MAMDC2: variants seen among roughly 807,000 people sequenced by gnomAD.
MAMDC2 encodes MAM domain containing 2.
A neutral mutation model predicts 89.8 loss-of-function variants in MAMDC2; 57 were observed. The observed-to-expected ratio is 0.63, with a 90% CI of 0.51 to 0.79. The LOEUF is 0.79. Among genes scored for constraint, MAMDC2 ranks in the 30% least tolerant of loss-of-function variants. The probability of loss-of-function intolerance (pLI) is 0.00; values close to 1 mark genes in which losing one functional copy is unlikely to be tolerated. For missense variants in MAMDC2, 800 were observed against 820.6 expected (o/e 0.97, Z 0.31); for synonymous variants, 313 against 293.4 (o/e 1.07, Z -0.68).
chr9:70,153,538 G>C (rs919207721), intron 9 of MAMDC2: 9 of 152,204 alleles, frequency 5.9e-5, no homozygotes, highest in South Asian at 2.1e-4. Flanking sequence ...TTAATTAGAA[G>C]CACTGGGAGG....
chr9:70,118,548 A>C (rs991308399), intron 5 of MAMDC2, among the ~76,000 whole-genome samples: 1 of 152,218 alleles, frequency 6.6e-6, no homozygotes, highest in East Asian at 1.9e-4. Flanking sequence ...CTCTCTTATC[A>C]TATTTGCTTT....
chr9:70,131,615 G>A lies in MAMDC2; in HGVS notation c.994+3G>A, dbSNP rs2030807559. The A allele has an allele frequency of 3.1e-6, 5 of 1,598,806 alleles. No homozygotes were observed. Among genetic ancestry groups the A allele is most frequent in the South Asian group, 1.1e-5 (1 of 88,906 alleles). On this transcript the variant is annotated splice_donor_region_variant and intron_variant, in intron 7 of 13. Transcript: ENST00000377182. ...TGTTCACTGCCAGAATCAGACAGGT[G>A]AGCATTCTCTATTTGTCATTGCATT...
intron 9 of MAMDC2, among the ~76,000 whole-genome samples, chr9:70,165,988 C>T (rs1277503696): frequency 6.6e-6 from 1 of 151,994 alleles, no homozygotes; most frequent in Non-Finnish European, 1.5e-5. Context: ...GCCTGTAATC[C>T]TAACACTTTG....
chr9:70,213,982 G>C (rs1480689812), intron 11 of MAMDC2, among the ~76,000 whole-genome samples: 1 of 152,132 alleles, frequency 6.6e-6, no homozygotes, highest in East Asian at 1.9e-4. Flanking sequence ...GCTTAGAGCT[G>C]TGGGAAAAAA....
intron 2 of MAMDC2, among the ~76,000 whole-genome samples, chr9:70,078,785 C>A (rs777234561): frequency 2.0e-5 from 3 of 152,098 alleles, no homozygotes; most frequent in Non-Finnish European, 2.9e-5. Context: ...AATGAAAATT[C>A]TTTTCTTTTC....
At chr9:70,098,288 T>C (rs1828078332) in intron 2 of MAMDC2, among the ~76,000 whole-genome samples, 1 of 152,202 alleles carries the variant, frequency 6.6e-6, no homozygotes, top group South Asian at 2.1e-4. Context: ...TTTGGCAGGA[T>C]TTACCAGTAA....
chr9:70,192,707 A>C (rs938937551), intron 11 of MAMDC2, among the ~76,000 whole-genome samples: 1 of 152,082 alleles, frequency 6.6e-6, no homozygotes, highest in Non-Finnish European at 1.5e-5. Context: ...ATACTTGTTA[A>C]AGCACAGTAA....
At position 70,102,189 on chromosome 9, in the gene MAMDC2, T is replaced by C. The variant is rs1828214972; in HGVS notation, c.149-6022T>C. Among the ~76,000 whole-genome samples the C allele has an allele frequency of 3.3e-5, 5 of 152,250 alleles. No individual in the cohort carries two copies. In the South Asian group the frequency reaches 1.0e-3, roughly 32 times the overall value. On this transcript the variant is annotated intron_variant, in intron 2 of 13. Transcript: ENST00000377182. ...ATTGAATGTATATGTAAAGTGGCTC[T>C]CTTCTTTTATTAGTCTCATTTTGAA...
chr9:70,078,462 C>G (rs1482122375), intron 2 of MAMDC2, among the ~76,000 whole-genome samples: 1 of 152,118 alleles, frequency 6.6e-6, no homozygotes, highest in African/African-American at 2.4e-5. Flanking sequence ...GGTATGAGCT[C>G]CATTGACCTT....
chr9:70,172,738 T>C (rs1229663936), intron 11 of MAMDC2: 1 of 152,964 alleles, frequency 6.5e-6, no homozygotes, highest in Non-Finnish European at 1.5e-5. Flanking sequence ...TTCAGCAGAT[T>C]CTGGGACAAT....
Position 70,226,050 on chromosome 9 carries a change from A to G in MAMDC2, c.*18A>G, listed in dbSNP as rs1174324795. ...AGTATTAAGAAATGATCTGCATTGGATTTACTAGACGAAAACCATACCTCT... is the reference window on the plus strand; with the variant it reads ...AGTATTAAGAAATGATCTGCATTGGGTTTACTAGACGAAAACCATACCTCT... On this transcript the variant is annotated 3_prime_UTR_variant, in exon 14 of 14. Coordinates refer to ENST00000377182, the MANE Select transcript of MAMDC2 (RefSeq NM_153267.5). 9.7e-6 allele frequency: 14 copies of G among 1,446,384 alleles called. No individual in the cohort carries two copies. The highest frequency in any genetic ancestry group is 1.3e-5 in the Non-Finnish European group (14 of 1,052,370). 89.6% of individuals were successfully genotyped at this position (1,446,384 alleles called of 1,614,324 possible). A position where few individuals can be genotyped will look rare whatever the true frequency, so the allele number is the denominator to read the frequency against.
intron 12 of MAMDC2, among the ~76,000 whole-genome samples, chr9:70,220,351 C>T (rs2033533230): frequency 6.6e-6 from 1 of 152,056 alleles, no homozygotes; most frequent in Admixed American, 6.6e-5. Flanking sequence ...GCAGAATCGC[C>T]CTGGAGACTT....
chr9:70,100,118 T>A (rs1052908797), intron 2 of MAMDC2, among the ~76,000 whole-genome samples: 2 of 151,724 alleles, frequency 1.3e-5, no homozygotes, highest in Non-Finnish European at 1.5e-5. Context: ...CAGAAGAGGA[T>A]GCTGATCATC....
intron 11 of MAMDC2, among the ~76,000 whole-genome samples, chr9:70,186,726 C>T (rs560814019): frequency 4.6e-5 from 7 of 152,290 alleles, no homozygotes; most frequent in East Asian, 1.9e-4. Context: ...CAGGCTCTAA[C>T]AGCATAGCAC....
intron 2 of MAMDC2, among the ~76,000 whole-genome samples, chr9:70,046,339 T>G (rs1826751614): frequency 6.6e-6 from 1 of 152,214 alleles, no homozygotes; most frequent in Admixed American, 6.5e-5. Flanking sequence ...TCTGAGTAGG[T>G]CTGGCACTAG....
chr9:70,052,112 C>A lies in MAMDC2; in HGVS notation c.148+7415C>A, dbSNP rs117837660. ...AAAAAACAACACACACTAACAGACT[C>A]CCTAGGTGATTGTGATATGTGTCCA... On this transcript the variant is annotated intron_variant, in intron 2 of 13. Transcript: ENST00000377182. Among the ~76,000 whole-genome samples, 1,172 of 152,276 alleles carry A rather than the reference C, an allele frequency of 7.7e-3. 10 individuals carry two copies. The highest frequency in any genetic ancestry group is 0.011 in the Non-Finnish European group (739 of 68,036).
rs1398308811 is a variant in MAMDC2, at chr9:70,143,573, C to T, written c.1158C>T (p.Asn386=). 5 of 1,614,000 alleles carry T rather than the reference C, an allele frequency of 3.1e-6. No individual in the cohort carries two copies. The highest frequency in any genetic ancestry group is 3.4e-6 in the Non-Finnish European group (4 of 1,179,990). Residue 386 remains asparagine, a synonymous_variant, in exon 9 of 14, where the codon AAC becomes AAT. Coordinates refer to ENST00000377182, the MANE Select transcript of MAMDC2 (RefSeq NM_153267.5). The part of the protein sequence containing the change: ...TTGLGYYLLA[N]TKFTSQPGYI... ...TTGCAGGGTATTACCTGCTAGCCAA[C>T]ACAAAGTTCACATCTCAGCCTGGCT...
At chr9:70,182,592 A>G (rs896832665) in intron 11 of MAMDC2, among the ~76,000 whole-genome samples, 2 of 152,044 alleles carry the variant, frequency 1.3e-5, no homozygotes, top group Non-Finnish European at 1.5e-5. Flanking sequence ...GGGAGGGTGT[A>G]TGTGTCCAGG....
intron 11 of MAMDC2, among the ~76,000 whole-genome samples, chr9:70,193,812 C>T (rs17051690): frequency 6.6e-6 from 1 of 151,972 alleles, no homozygotes; most frequent in Admixed American, 6.6e-5. Flanking sequence ...TGAAGATATA[C>T]CTGTATTTGT....
Sources: gnomAD v4.1 joint callset for allele counts (sites outside exome capture counted in the v4.1 genomes callset) on GRCh38, gnomAD v4.1.1 for gene constraint, MANE v1.5 for transcripts, NCBI Gene and HGNC (gene_info 2026-07-23, HGNC 2026-07-21) for gene names.